Variants in SETD3 observed in about 807,000 individuals in gnomAD.
The protein encoded by SETD3 is SET domain containing 3, actin N3(tau)-histidine methyltransferase.
Under a neutral mutation model 63.0 loss-of-function variants are expected in SETD3, and 19 were observed. The ratio of observed to expected loss-of-function variants is 0.30; its 90% CI spans 0.21 to 0.44. SETD3 has a LOEUF of 0.44. Among genes scored for constraint, SETD3 ranks in the 20% least tolerant of loss-of-function variants. The pLI is 1.00. For synonymous variants in SETD3, 286 were observed against 264.1 expected, an observed-to-expected ratio of 1.08 and a Z score of -0.80; for missense variants, 587 against 728.5, an observed-to-expected ratio of 0.81 and a Z score of 2.24.
intron 1 of SETD3, among the ~76,000 whole-genome samples, chr14:99,478,522 T>C (rs1374762966): frequency 5.9e-5 from 9 of 152,352 alleles, no homozygotes; most frequent in South Asian, 2.1e-4. Flanking sequence ...AAAAAGACTC[T>C]ATGTAATTAA....
intron 2 of SETD3, among the ~76,000 whole-genome samples, chr14:99,464,612 G>A (rs181093331): frequency 2.6e-4 from 39 of 152,306 alleles, no homozygotes; most frequent in Admixed American, 2.2e-3. Flanking sequence ...GCTGCGGCCT[G>A]CTTTCTGTCT....
intron 6 of SETD3, among the ~76,000 whole-genome samples, chr14:99,430,054 G>C (rs1489820447): frequency 2.6e-5 from 4 of 152,232 alleles, no homozygotes; most frequent in Admixed American, 2.0e-4. Flanking sequence ...AGATGGGCCT[G>C]ATGGGCCCAG....
rs867849800 is a variant in SETD3, at chr14:99,467,197, T to G, written c.-8-1384A>C. ...GTGTAACACATTAATATAATAAGTCTTCTAAAAATCAGTGTAAAATACACA... is the reference window on the plus strand; with the variant it reads ...GTGTAACACATTAATATAATAAGTCGTCTAAAAATCAGTGTAAAATACACA... On this transcript the variant is annotated intron_variant, in intron 1 of 12. Transcript: ENST00000331768. Among the ~76,000 whole-genome samples the G allele has an allele frequency of 6.6e-5, 10 of 152,188 alleles. No individual in the cohort carries two copies. In the South Asian group the frequency reaches 1.5e-3, roughly 22 times the overall value.
intron 2 of SETD3, among the ~76,000 whole-genome samples, chr14:99,465,339 C>G (rs1026980083): frequency 2.6e-5 from 4 of 152,144 alleles, no homozygotes; most frequent in African/African-American, 9.7e-5. Context: ...TCTATGTTTA[C>G]GACAAGAACA....
intron 8 of SETD3, chr14:99,411,272 G>A (rs1401400791): frequency 2.0e-5 from 3 of 151,492 alleles, no homozygotes; most frequent in Non-Finnish European, 4.4e-5. Context: ...GGAAAACACA[G>A]CACTGGTTGT....
chr14:99,458,148 T>C, intron 6 of SETD3, 131 bp downstream of exon 6: 3 of 1,088,734 alleles, frequency 2.8e-6, no homozygotes, highest in South Asian at 1.7e-5. Flanking sequence ...AAATGTATTT[T>C]ATATTTTCAA....
intron 6 of SETD3, among the ~76,000 whole-genome samples, chr14:99,437,697 G>A (rs1160096328): frequency 2.0e-5 from 3 of 152,160 alleles, no homozygotes; most frequent in Non-Finnish European, 4.4e-5. Flanking sequence ...GTGTGTGTGT[G>A]ACACACAGAA....
intron 2 of SETD3, among the ~76,000 whole-genome samples, chr14:99,465,092 T>C (rs1895290405): frequency 6.6e-6 from 1 of 152,132 alleles, no homozygotes; most frequent in African/African-American, 2.4e-5. Flanking sequence ...GTCGTCATAG[T>C]GCCATGGCAC....
chr14:99,422,515 A>G (rs765886124), intron 6 of SETD3, among the ~76,000 whole-genome samples: 1 of 152,166 alleles, frequency 6.6e-6, no homozygotes, highest in Non-Finnish European at 1.5e-5. Flanking sequence ...CTCATGAGGA[A>G]TGAGCTCTAG....
chr14:99,474,001 C>A (rs1895838956), intron 1 of SETD3, among the ~76,000 whole-genome samples: 1 of 152,226 alleles, frequency 6.6e-6, no homozygotes, highest in South Asian at 2.1e-4. Context: ...GGCTAACCGG[C>A]ACCTATCATT....
rs377110977 is a variant in SETD3 at position 99,462,607 on chromosome 14, C to T, written c.196+879G>A. Among the ~76,000 whole-genome samples the T allele has an allele frequency of 3.3e-5, 5 of 152,226 alleles. No homozygotes were observed. In the South Asian group the frequency reaches 6.2e-4, roughly 19 times the overall value. ...TCTACGCAGAAGAGAAACTAAGGCGCTACCCACTTGGTGACAAAGGATTAG... is the reference window on the plus strand; with the variant it reads ...TCTACGCAGAAGAGAAACTAAGGCGTTACCCACTTGGTGACAAAGGATTAG... On this transcript the variant is annotated intron_variant, in intron 3 of 12. Transcript: ENST00000331768.
At chr14:99,420,253 G>C (rs926173998) in intron 6 of SETD3, among the ~76,000 whole-genome samples, 2 of 152,122 alleles carry the variant, frequency 1.3e-5, no homozygotes, top group African/African-American at 2.4e-5. Context: ...GTCCCCACAG[G>C]CAGGCTCAGC....
rs148478881 is a variant in SETD3 at position 99,417,595 on chromosome 14, A to T, written c.676-3661T>A. Reference sequence around the variant, plus strand: ...ACAAACAGTTAATATGTGTTACACAAATCAGCTGCAGGCTTATTTTAAGCT... The same window carrying T: ...ACAAACAGTTAATATGTGTTACACATATCAGCTGCAGGCTTATTTTAAGCT... On this transcript the variant is annotated intron_variant, in intron 6 of 12. Transcript: ENST00000331768. 2.0e-5 allele frequency among the ~76,000 whole-genome samples: 3 copies of T among 152,368 alleles called. No individual in the cohort carries two copies. The East Asian group carries it at 5.8e-4, about 29-fold the overall frequency.
intron 1 of SETD3, among the ~76,000 whole-genome samples, chr14:99,478,299 A>G (rs1285734537): frequency 6.6e-6 from 1 of 152,228 alleles, no homozygotes; most frequent in Non-Finnish European, 1.5e-5. Context: ...TCACCACTCC[A>G]TTCCCAGGAC....
intron 6 of SETD3, among the ~76,000 whole-genome samples, chr14:99,415,193 T>TA (rs1435338846): frequency 6.6e-6 from 1 of 152,248 alleles, no homozygotes; most frequent in Non-Finnish European, 1.5e-5. Flanking sequence ...CCTGTTTTCA[T>TA]ACTCTAGGAA....
At chr14:99,417,071 A>G (rs191365071) in intron 6 of SETD3, among the ~76,000 whole-genome samples, 2 of 152,368 alleles carry the variant, frequency 1.3e-5, no homozygotes, top group Non-Finnish European at 2.9e-5. Flanking sequence ...AATTTACCAT[A>G]TTGCATGGGT....
At chr14:99,469,112 A>T (rs1895554962) in intron 1 of SETD3, among the ~76,000 whole-genome samples, 1 of 152,250 alleles carries the variant, frequency 6.6e-6, no homozygotes, top group Non-Finnish European at 1.5e-5. Flanking sequence ...CGTTGACAGT[A>T]ATTCTACAGT....
chr14:99,482,103 A>G (rs1366260905), upstream of SETD3, among the ~76,000 whole-genome samples: 1 of 152,238 alleles, frequency 6.6e-6, no homozygotes, highest in Non-Finnish European at 1.5e-5. Context: ...GTTATGTGAC[A>G]GCTCCTAAAC....
chr14:99,411,910 T>C (rs1224889505), intron 8 of SETD3: 1 of 152,246 alleles, frequency 6.6e-6, no homozygotes, highest in East Asian at 1.9e-4. Context: ...TTCAAGAACA[T>C]ACTTGTTGCT....
Sources: gnomAD v4.1 joint callset for allele counts (sites outside exome capture counted in the v4.1 genomes callset) on GRCh38, gnomAD v4.1.1 for gene constraint, MANE v1.5 for transcripts, NCBI Gene and HGNC (gene_info 2026-07-23, HGNC 2026-07-21) for gene names.